The following ILKAP variants were observed in gnomAD, a reference collection of about 807,000 sequenced individuals.
The protein encoded by ILKAP is ILK associated serine/threonine phosphatase.
Under a neutral mutation model 49.1 loss-of-function variants are expected in ILKAP, and 11 were observed. The observed-to-expected ratio is 0.22, with a 90% CI of 0.14 to 0.37. The LOEUF is 0.37. Among genes scored for constraint, ILKAP ranks in the 10% least tolerant of loss-of-function variants. The pLI is 1.00. For missense variants in ILKAP, 363 were observed against 510.8 expected (o/e 0.71, Z 2.79); for synonymous variants, 186 against 192.8 (o/e 0.96, Z 0.29).
At chr2:238,184,253 G>C (rs1035083636) in intron 6 of ILKAP, 140 bp from the exon 7 acceptor site, 33 of 606,778 alleles carry the variant, frequency 5.4e-5, no homozygotes, top group Non-Finnish European at 9.5e-5. Context: ...GCAGTGGCGC[G>C]ATCTCAGCTC....
chr2:238,193,651 A>AT (rs911037639), intron 3 of ILKAP, among the ~76,000 whole-genome samples: 2 of 152,222 alleles, frequency 1.3e-5, no homozygotes, highest in African/African-American at 4.8e-5. Context: ...GAATTCTTAT[A>AT]TAAGATGACT....
Position 238,176,208 on chromosome 2 carries a change from A to C in ILKAP, c.837-2555T>G, listed in dbSNP as rs144550256. ...GAGTGCAGTGGCATGATCTCGACTC[A>C]CTGCAACCTCTGCCGCCTGGGTTCA... is the stretch of plus-strand genomic sequence containing the variant. On this transcript the variant is annotated intron_variant, in intron 9 of 11. Coordinates refer to ENST00000254654, the MANE Select transcript of ILKAP (RefSeq NM_030768.3). Among the ~76,000 whole-genome samples, 1,187 of 138,144 alleles carry C rather than the reference A, an allele frequency of 8.6e-3. 6 individuals carry two copies. Among genetic ancestry groups the C allele is most frequent in the African/African-American group, 0.031 (1,116 of 36,188 alleles). 90.6% of individuals were successfully genotyped at this position (138,144 alleles called of 152,430 possible). A position where few individuals can be genotyped will look rare whatever the true frequency, so the allele number is the denominator to read the frequency against.
chr2:238,194,261 T>C lies in ILKAP; in HGVS notation c.178+14A>G. On this transcript the variant is annotated intron_variant, in intron 3 of 11. Transcript: ENST00000254654. ...TTATTTCCATCAGCACCTTGGATTT[T>C]TCCTACCACTTACCTGAATCGCCAC... The C allele has an allele frequency of 6.2e-7, 1 of 1,612,648 alleles. No individual in the cohort carries two copies. Among genetic ancestry groups the C allele is most frequent in the African/African-American group, 1.3e-5 (1 of 75,012 alleles).
rs889351439 is a variant in ILKAP, at chr2:238,170,473, GCA to G, written c.*61_*62del. 48 of 1,514,460 alleles carry G rather than the reference GCA, an allele frequency of 3.2e-5. No individual in the cohort carries two copies. Among genetic ancestry groups the G allele is most frequent in the East Asian group, 4.6e-5 (2 of 43,622 alleles). The allele number at this position is 1,514,460 out of a possible 1,614,324, so 93.8% of individuals were successfully genotyped here. ...CAGGAGTACACAAAACACACAATGT[GCA>G]CACACACAAAATGAACCTTTTAAGT... On this transcript the variant is annotated 3_prime_UTR_variant, in exon 12 of 12. Coordinates refer to ENST00000254654, the MANE Select transcript of ILKAP (RefSeq NM_030768.3).
intron 9 of ILKAP, among the ~76,000 whole-genome samples, chr2:238,176,852 G>A (rs190309204): frequency 9.7e-4 from 148 of 152,342 alleles, no homozygotes; most frequent in African/African-American, 3.4e-3. Flanking sequence ...GTTAAGGTTG[G>A]GAGGTGGAAG....
At chr2:238,177,138 T>A (rs1693496226) in intron 9 of ILKAP, among the ~76,000 whole-genome samples, 1 of 152,154 alleles carries the variant, frequency 6.6e-6, no homozygotes, top group Non-Finnish European at 1.5e-5. Flanking sequence ...CTACCTTCAA[T>A]GTAAGAAAGT....
rs1694263997 is a variant in ILKAP at position 238,194,384 on chromosome 2, G to A, written c.122-53C>T. On this transcript the variant is annotated intron_variant, in intron 2 of 11. Transcript: ENST00000254654. ...CCCACAAAAAATATGTAAGACTTAAGTTTCAGAATCCATCCCACCAGGACA... is the reference window on the plus strand; with the variant it reads ...CCCACAAAAAATATGTAAGACTTAAATTTCAGAATCCATCCCACCAGGACA... The A allele has an allele frequency of 8.3e-6, 13 of 1,557,940 alleles. No individual in the cohort carries two copies. In the South Asian group the frequency reaches 1.5e-4, roughly 17 times the overall value.
At chr2:238,200,700 T>C (rs1034673716) in intron 1 of ILKAP, among the ~76,000 whole-genome samples, 6 of 152,162 alleles carry the variant, frequency 3.9e-5, no homozygotes. Context: ...TGCGCACCTG[T>C]AGTCCCAGCT....
Position 238,194,300 on chromosome 2 carries a change from G to A in ILKAP, c.153C>T (p.Leu51=). 1 of 1,613,986 alleles carries A rather than the reference G, an allele frequency of 6.2e-7. No homozygotes were observed. The highest frequency in any genetic ancestry group is 8.5e-7 in the Non-Finnish European group (1 of 1,179,952). Residue 51 remains leucine (L), a synonymous_variant, in exon 3 of 12, where the codon CTC becomes CTT. Coordinates refer to ENST00000254654, the MANE Select transcript of ILKAP (RefSeq NM_030768.3). ...CTGAATCGCCACTGCTAGCGGGTGG[G>A]AGATCATCAAAAAGCAAAGGTCCCC... ...GSGGPLLFDD[L]PPASSGDSGS...
rs1313124569 is a variant in ILKAP at position 238,189,847 on chromosome 2, G to A, written c.298+6C>T. The stretch of plus-strand genomic sequence containing the variant: ...TAATACATTTGTTTTCAAATTGTCT[G>A]AAAACCTTTACAAACTTTCTTTTCC... On this transcript the variant is annotated splice_donor_region_variant and intron_variant, in intron 4 of 11. Coordinates refer to ENST00000254654, the MANE Select transcript of ILKAP (RefSeq NM_030768.3). 2 of 1,613,298 alleles carry A rather than the reference G, an allele frequency of 1.2e-6. No homozygotes were observed. The highest frequency in any genetic ancestry group is 8.5e-7 in the Non-Finnish European group (1 of 1,179,620).
At chr2:238,195,841 G>A (rs895458564) in intron 1 of ILKAP, among the ~76,000 whole-genome samples, 5 of 151,766 alleles carry the variant, frequency 3.3e-5, no homozygotes, top group East Asian at 1.9e-4. Context: ...CCCGGAGTTC[G>A]AGACCAGCCT....
At chr2:238,170,784 G>A (rs764781577) in intron 11 of ILKAP, 108 bp from the exon 12 acceptor site, 1 of 1,558,058 alleles carries the variant, frequency 6.4e-7, no homozygotes, top group Non-Finnish European at 8.8e-7. Flanking sequence ...ATCAGGGCTG[G>A]CAGGACAAAC....
intron 1 of ILKAP, among the ~76,000 whole-genome samples, chr2:238,200,317 T>C (rs1195441511): frequency 6.6e-6 from 1 of 152,220 alleles, no homozygotes; most frequent in Non-Finnish European, 1.5e-5. Flanking sequence ...CTGAAATATT[T>C]AGTGCATTCT....
At chr2:238,176,549 T>C (rs1693466558) in intron 9 of ILKAP, among the ~76,000 whole-genome samples, 1 of 152,250 alleles carries the variant, frequency 6.6e-6, no homozygotes, top group Non-Finnish European at 1.5e-5. Context: ...TGTGCTGCTT[T>C]ATTTCTCTTC....
intron 10 of ILKAP, among the ~76,000 whole-genome samples, chr2:238,171,363 G>A (rs999552462): frequency 4.6e-5 from 7 of 151,996 alleles, no homozygotes; most frequent in African/African-American, 7.3e-5. Context: ...GTTTCACCAC[G>A]TTGGCCAGGC....
intron 5 of ILKAP, chr2:238,186,659 A>G (rs180725077): frequency 3.3e-5 from 5 of 152,192 alleles, no homozygotes; most frequent in African/African-American, 1.2e-4. Context: ...AAATTTTGCC[A>G]GAAAACCCAC....
chr2:238,179,845 ACT>A (rs1439888233), intron 9 of ILKAP, among the ~76,000 whole-genome samples: 3 of 152,196 alleles, frequency 2.0e-5, no homozygotes, highest in African/African-American at 7.2e-5. Flanking sequence ...AATATTGGTG[ACT>A]CTGTACAACT....
At chr2:238,180,426 A>G (rs1021116072) in intron 9 of ILKAP, among the ~76,000 whole-genome samples, 7 of 152,246 alleles carry the variant, frequency 4.6e-5, no homozygotes, top group Non-Finnish European at 1.0e-4. Context: ...TTATGTCATC[A>G]TATCTGCAAC....
chr2:238,199,842 T>C (rs1694496780), intron 1 of ILKAP, among the ~76,000 whole-genome samples: 1 of 152,146 alleles, frequency 6.6e-6, no homozygotes, highest in Non-Finnish European at 1.5e-5. Flanking sequence ...CTCAAATTCC[T>C]GGCCTCAAGC....
Sources: allele counts gnomAD v4.1 joint callset (sites outside exome capture counted in the v4.1 genomes callset), GRCh38; gene constraint gnomAD v4.1.1; transcripts MANE v1.5; gene names NCBI Gene and HGNC (gene_info 2026-07-23, HGNC 2026-07-21).